Variants in CYP4B1 observed in about 807,000 individuals in gnomAD.
CYP4B1 encodes the protein cytochrome P450 family 4 subfamily B member 1, also known as cytochrome P450 4B1.
Under a neutral mutation model 54.0 loss-of-function variants are expected in CYP4B1, and 45 were observed. The observed-to-expected ratio is 0.83, with a 90% confidence interval of 0.66 to 1.07. The LOEUF is 1.07. Ranked by LOEUF, CYP4B1 falls within the 50% of genes least tolerant of loss-of-function variation. The pLI is 0.00. For missense variants in CYP4B1, 656 were observed against 655.4 expected (o/e 1.00, Z -0.01); for synonymous variants, 248 against 247.5 (o/e 1.00, Z -0.02).
intron 1 of CYP4B1, among the ~76,000 whole-genome samples, chr1:46,810,558 G>T (rs1334715924): frequency 6.6e-6 from 1 of 152,220 alleles, no homozygotes; most frequent in Non-Finnish European, 1.5e-5. Context: ...CTAAATGGAA[G>T]CAGGTTGGCT....
intron 1 of CYP4B1, among the ~76,000 whole-genome samples, chr1:46,802,816 G>A (rs917518171): frequency 3.9e-5 from 6 of 152,166 alleles, no homozygotes; most frequent in Non-Finnish European, 4.4e-5. Context: ...CCCTCTCGGC[G>A]TGGGGAGTCA....
At chr1:46,803,638 G>A (rs1678745587) in intron 1 of CYP4B1, among the ~76,000 whole-genome samples, 1 of 152,206 alleles carries the variant, frequency 6.6e-6, no homozygotes, top group Non-Finnish European at 1.5e-5. Context: ...ACTTGTCAGT[G>A]TCTGGGTATG....
At position 46,815,019 on chromosome 1, in the gene CYP4B1, C is replaced by T. The variant is rs772138641; in HGVS notation, c.883-55C>T. ...TTGACAACCACCATTATGAGTTCTT[C>T]TTGTTACCCACCTCCAATACCTCAA... On this transcript the variant is annotated intron_variant, in intron 7 of 11. Coordinates refer to ENST00000371923, the MANE Select transcript of CYP4B1 (RefSeq NM_001099772.2). 7.3e-4 allele frequency: 1,105 copies of T among 1,520,876 alleles called. 3 individuals are homozygous for T. Among genetic ancestry groups the T allele is most frequent in the Non-Finnish European group, 6.8e-4 (748 of 1,098,058 alleles). 94.2% of individuals were successfully genotyped at this position (1,520,876 alleles called of 1,614,324 possible).
At position 46,817,164 on chromosome 1, in the gene CYP4B1, G is replaced by A; in HGVS notation, c.1190G>A (p.Gly397Asp). 1 of 1,614,188 alleles carries A rather than the reference G, an allele frequency of 6.2e-7. No individual in the cohort carries two copies. The change falls in exon 9 of 12, where the codon GGC becomes GAC. Residue 397 changes from glycine to aspartate, a missense_variant. By Grantham distance (94) the Gly-to-Asp change is moderately conservative (BLOSUM62 -1). Coordinates refer to ENST00000371923, the MANE Select transcript of CYP4B1 (RefSeq NM_001099772.2). ...QLSKPVTFVD[G>D]RSLPAGSLIS... ...AGCAAGCCTGTCACCTTTGTGGATG[G>A]CCGGTCTCTACCTGCAGGTGGGATG...
intron 1 of CYP4B1, among the ~76,000 whole-genome samples, chr1:46,804,581 ACTGGT>A (rs1208409067): frequency 9.9e-5 from 15 of 152,106 alleles, no homozygotes; most frequent in Admixed American, 9.8e-4. Flanking sequence ...ATCCAGATGG[ACTGGT>A]CTTGGACAGG....
chr1:46,818,643 G>A lies in CYP4B1; in HGVS notation c.1368G>A (p.Gly456=). ...PFSAGPRNCI[G]QQFAMSEMKV... is the part of the protein sequence containing the mutation. ...CTGCTTGCTACAGGAACTGCATTGGGCAGCAGTTTGCCATGAGTGAGATGA... is the reference window on the plus strand; with the variant it reads ...CTGCTTGCTACAGGAACTGCATTGGACAGCAGTTTGCCATGAGTGAGATGA... The change falls in exon 12 of 12, where the codon GGG becomes GGA. Residue 456 remains glycine (G), a synonymous_variant. Coordinates refer to ENST00000371923, the MANE Select transcript of CYP4B1 (RefSeq NM_001099772.2). The A allele has an allele frequency of 6.2e-7, 1 of 1,614,152 alleles. No homozygotes were observed. The highest frequency in any genetic ancestry group is 8.5e-7 in the Non-Finnish European group (1 of 1,179,980).
intron 1 of CYP4B1, among the ~76,000 whole-genome samples, chr1:46,807,634 C>G (rs1678912790): frequency 6.6e-6 from 1 of 152,218 alleles, no homozygotes; most frequent in Non-Finnish European, 1.5e-5. Flanking sequence ...TTCTTTTTGA[C>G]ATCGTGTACT....
chr1:46,811,369 A>C (rs1679094606), intron 3 of CYP4B1, among the ~76,000 whole-genome samples, 185 bp downstream of exon 3: 1 of 152,246 alleles, frequency 6.6e-6, no homozygotes, highest in Non-Finnish European at 1.5e-5. Flanking sequence ...TGTGGGGCCA[A>C]GGCATCTTCT....
At chr1:46,813,783 G>A (rs981115756) in intron 5 of CYP4B1, 126 bp from the exon 6 acceptor site, 5 of 1,438,882 alleles carry the variant, frequency 3.5e-6, no homozygotes, top group African/African-American at 2.8e-5. Context: ...TAGCAAGGAG[G>A]CTTAAGGGCA....
At chr1:46,812,067 C>T (rs1022495029) in intron 3 of CYP4B1, 6 of 431,458 alleles carry the variant, frequency 1.4e-5, no homozygotes, top group South Asian at 1.0e-4. Flanking sequence ...CCACCTGAGG[C>T]CATGAAGCAC....
In CYP4B1 at chr1:46,814,000, T is replaced by G; in HGVS notation, c.712T>G (p.Tyr238Asp). The G allele has an allele frequency of 6.2e-7, 1 of 1,614,200 alleles. No individual in the cohort carries two copies. Among genetic ancestry groups the G allele is most frequent in the African/African-American group, 1.3e-5 (1 of 75,072 alleles). The change falls in exon 6 of 12, where the codon TAC becomes GAC. Residue 238 changes from tyrosine (Y) to aspartate (D), a missense_variant. By Grantham distance (160) the Tyr-to-Asp change is radical (BLOSUM62 -3). Coordinates refer to ENST00000371923, the MANE Select transcript of CYP4B1 (RefSeq NM_001099772.2). ...VSFQYHNDFI[Y>D]WLTPHGRRFL... The stretch of plus-strand genomic sequence containing the variant: ...CTTCCAGTACCATAATGACTTCATC[T>G]ACTGGCTCACCCCACATGGCCGCCG...
At chr1:46,814,582 G>A (rs1679257319) in intron 7 of CYP4B1, among the ~76,000 whole-genome samples, 1 of 152,086 alleles carries the variant, frequency 6.6e-6, no homozygotes, top group Admixed American at 6.6e-5. Context: ...CAAAATGTTG[G>A]CCTTGTAGAA....
In CYP4B1 at chr1:46,815,120, T is replaced by G. The variant is rs1257853482; in HGVS notation, c.929T>G (p.Val310Gly). 6.2e-7 allele frequency: 1 copy of G among 1,614,172 alleles called. No homozygotes were observed. Among genetic ancestry groups the G allele is most frequent in the East Asian group, 2.2e-5 (1 of 44,876 alleles). Residue 310 changes from valine to glycine, a missense_variant, in exon 8 of 12, where the codon GTG (valine) becomes GGG (glycine). Val to Gly is a moderately radical substitution (Grantham distance 109, BLOSUM62 -3). Coordinates refer to ENST00000371923, the MANE Select transcript of CYP4B1 (RefSeq NM_001099772.2). The part of the protein sequence containing the change: ...KLSDADLRAE[V>G]DTFMFEGHDT... Reference sequence around the variant, plus strand: ...TCAGATGCAGACCTCCGGGCTGAAGTGGACACATTCATGTTTGAAGGCCAT... The same window carrying G: ...TCAGATGCAGACCTCCGGGCTGAAGGGGACACATTCATGTTTGAAGGCCAT...
At position 46,813,607 on chromosome 1, in the gene CYP4B1, G is replaced by C. The variant is rs1170359777; in HGVS notation, c.620+1G>C. On this transcript the variant is annotated splice_donor_variant, in intron 5 of 11. Transcript: ENST00000371923. LOFTEE classifies it high-confidence loss of function. ...GAGGAGACACCGGCCTGGGCCACAG[G>C]TCAGGAGCCACCTCGGGGCTGACCG... 1.2e-6 allele frequency: 2 copies of C among 1,613,760 alleles called. No individual in the cohort carries two copies. Among genetic ancestry groups the C allele is most frequent in the African/African-American group, 2.7e-5 (2 of 74,932 alleles).
intron 1 of CYP4B1, among the ~76,000 whole-genome samples, chr1:46,809,074 C>T (rs1388734557): frequency 6.6e-6 from 1 of 151,070 alleles, no homozygotes; most frequent in African/African-American, 2.4e-5. Context: ...ACATATGTAA[C>T]TAACCTGCAC....
rs1306246124 is a variant in CYP4B1 at position 46,810,810 on chromosome 1, C to G, written c.183C>G (p.Ile61Met). 6.2e-7 allele frequency: 1 copy of G among 1,614,126 alleles called. No homozygotes were observed. The highest frequency in any genetic ancestry group is 8.5e-7 in the Non-Finnish European group (1 of 1,179,990). Residue 61 changes from isoleucine to methionine, a missense_variant and splice_region_variant, in exon 2 of 12, where the codon ATC (isoleucine) becomes ATG (methionine). Physicochemically the swap from Ile to Met is conservative, Grantham distance 10. Transcript: ENST00000371923. ...TTGGCCTTCTGTCATCATTTCAGAT[C>G]CAGGAGACGGGGAGCCTGGACAAAG... ...THWLFGHALE[I>M]QETGSLDKVV...
chr1:46,817,112 C>T lies in CYP4B1; in HGVS notation c.1138C>T (p.Pro380Ser). The T allele has an allele frequency of 6.2e-7, 1 of 1,614,230 alleles. No individual in the cohort carries two copies. Among genetic ancestry groups the T allele is most frequent in the South Asian group, 1.1e-5 (1 of 91,086 alleles). Residue 380 changes from proline to serine, a missense_variant, in exon 9 of 12, where the codon CCT (proline) becomes TCT (serine). Transcript: ENST00000371923. ...CAAGGAGAGCTTCCGCCTCTACCCA[C>T]CTGTGCCCCAGGTGTACCGCCAGCT... ...CIKESFRLYP[P>S]VPQVYRQLSK...
In CYP4B1 at chr1:46,807,024, C is replaced by T. The variant is rs1045761623; in HGVS notation, c.181-3784C>T. ...GGGAGCTGTCCTCCTTCTTACCAGG[C>T]TCCCGGGGTAATCAAGGCAGGTGCC... On this transcript the variant is annotated intron_variant, in intron 1 of 11. Coordinates refer to ENST00000371923, the MANE Select transcript of CYP4B1 (RefSeq NM_001099772.2). Among the ~76,000 whole-genome samples the T allele has an allele frequency of 4.6e-5, 7 of 152,240 alleles. No individual in the cohort carries two copies. In the East Asian group the frequency reaches 1.3e-3, roughly 29 times the overall value.
In CYP4B1 at chr1:46,818,571, C is replaced by T. The variant is rs45464993; in HGVS notation, c.1356-60C>T. 4.3e-3 allele frequency: 6,633 copies of T among 1,538,718 alleles called. 258 individuals are homozygous for T. The African/African-American group carries it at 0.081, about 19-fold the overall frequency. On this transcript the variant is annotated intron_variant, in intron 11 of 11. Transcript: ENST00000371923. ...TGACTTTTGTTGGCTGCTAAGAGCA[C>T]TGAATGTCATCACTCTGGATGCTCC...
Sources: gnomAD v4.1 joint callset for allele counts (sites outside exome capture counted in the v4.1 genomes callset) on GRCh38, gnomAD v4.1.1 for gene constraint, MANE v1.5 for transcripts, NCBI Gene and HGNC (gene_info 2026-07-23, HGNC 2026-07-21) for gene names.